Variants in HEATR5B observed in about 807,000 individuals in gnomAD.
The protein encoded by HEATR5B is HEAT repeat-containing protein 5B.
A neutral mutation model predicts 224.1 loss-of-function variants in HEATR5B; 156 were observed. The observed-to-expected ratio is 0.70, with a 90% CI of 0.61 to 0.80. The LOEUF is 0.80. HEATR5B is among the 30% of genes least tolerant of loss of function. The pLI, the probability that HEATR5B is intolerant of heterozygous loss-of-function variation, is 0.00. For synonymous variants in HEATR5B, 1,027 were observed against 893.0 expected, an observed-to-expected ratio of 1.15 and a Z score of -2.68; for missense variants, 2,323 against 2,535.5, an observed-to-expected ratio of 0.92 and a Z score of 1.80.
At chr2:37,074,008 A>C (rs1177581404) in intron 5 of HEATR5B, among the ~76,000 whole-genome samples, 1 of 152,206 alleles carries the variant, frequency 6.6e-6, no homozygotes, top group Non-Finnish European at 1.5e-5. Flanking sequence ...TTTAGTGAAG[A>C]AAAGATAGGC....
chr2:37,011,599 C>T (rs577924936), intron 27 of HEATR5B, among the ~76,000 whole-genome samples: 18 of 152,260 alleles, frequency 1.2e-4, no homozygotes, highest in African/African-American at 3.6e-4. Context: ...TTTAGTTTTA[C>T]TGATAAACAT....
intron 33 of HEATR5B, among the ~76,000 whole-genome samples, chr2:36,994,285 T>C (rs934193103): frequency 1.3e-5 from 2 of 152,202 alleles, no homozygotes; most frequent in African/African-American, 2.4e-5. Context: ...GTTTGAAATT[T>C]ATTTCAAAGT....
chr2:36,996,429 T>C (rs1327450992), intron 33 of HEATR5B, among the ~76,000 whole-genome samples: 1 of 142,504 alleles, frequency 7.0e-6, no homozygotes, highest in Non-Finnish European at 1.5e-5. Flanking sequence ...CTTTTCTTTC[T>C]TTTTTTTTTT....
intron 22 of HEATR5B, among the ~76,000 whole-genome samples, chr2:37,029,570 A>T (rs1668990132): frequency 6.6e-6 from 1 of 152,192 alleles, no homozygotes; most frequent in Non-Finnish European, 1.5e-5. Flanking sequence ...AGGCTGAGGC[A>T]GGAGAATCAC....
intron 22 of HEATR5B, among the ~76,000 whole-genome samples, chr2:37,029,204 G>C (rs2148463772): frequency 6.6e-6 from 1 of 152,254 alleles, no homozygotes; most frequent in African/African-American, 2.4e-5. Context: ...AAAAAGTGTG[G>C]GACAGAGATA....
chr2:37,027,955 A>G lies in HEATR5B; in HGVS notation c.3821T>C (p.Leu1274Ser). Residue 1274 changes from leucine to serine, a missense_variant, in exon 24 of 36, where the codon TTG (leucine) becomes TCG (serine). Leu to Ser is a moderately radical substitution (Grantham distance 145, BLOSUM62 -2). Coordinates refer to ENST00000233099, the MANE Select transcript of HEATR5B (RefSeq NM_019024.3). ...GTTTCGAAGTTTAGCAGAACGTGCCAAGGCAAGATCAAAGTGAGCCTGGTC... is the reference window on the plus strand; with the variant it reads ...GTTTCGAAGTTTAGCAGAACGTGCCGAGGCAAGATCAAAGTGAGCCTGGTC... ...NADQAHFDLALARSAKLRNPT... is the reference protein window; with the variant it reads ...NADQAHFDLASARSAKLRNPT... The G allele has an allele frequency of 6.2e-7, 1 of 1,614,218 alleles. No individual in the cohort carries two copies. The highest frequency in any genetic ancestry group is 8.5e-7 in the Non-Finnish European group (1 of 1,180,022).
At position 37,083,536 on chromosome 2, in the gene HEATR5B, T is replaced by C. The variant is rs567569243; in HGVS notation, c.-22-100A>G. The C allele has an allele frequency of 3.4e-5, 28 of 835,058 alleles. 1 individual carries two copies. The highest frequency in any genetic ancestry group is 1.4e-4 in the African/African-American group (8 of 57,866). 51.7% of individuals were successfully genotyped at this position (835,058 alleles called of 1,614,324 possible). On this transcript the variant is annotated intron_variant, in intron 1 of 35. Coordinates refer to ENST00000233099, the MANE Select transcript of HEATR5B (RefSeq NM_019024.3). ...ACTAAGAAAAGTAGGACTACTCATTTCATTTGGGGAAAAACTCAACTTCTT... is the reference window on the plus strand; with the variant it reads ...ACTAAGAAAAGTAGGACTACTCATTCCATTTGGGGAAAAACTCAACTTCTT...
intron 17 of HEATR5B, 79 bp downstream of exon 17, chr2:37,053,423 A>G (rs1355070280): frequency 1.9e-5 from 13 of 692,154 alleles, no homozygotes; most frequent in Admixed American, 3.0e-5. Flanking sequence ...TAAACATTAT[A>G]ATAATCTTGC....
In HEATR5B at chr2:37,065,843, A is replaced by G; in HGVS notation, c.1245T>C (p.His415=). 6.2e-7 allele frequency: 1 copy of G among 1,613,980 alleles called. No individual in the cohort carries two copies. Among genetic ancestry groups the G allele is most frequent in the Non-Finnish European group, 8.5e-7 (1 of 1,179,912 alleles). Residue 415 remains histidine (H), a synonymous_variant, in exon 9 of 36, where the codon CAT becomes CAC. Coordinates refer to ENST00000233099, the MANE Select transcript of HEATR5B (RefSeq NM_019024.3). Reference sequence around the variant, plus strand: ...GTTCCTGGAGGGCACAGACCATCACATGCTGGCTTGCTGCAATGTCTGCTG... The same window carrying G: ...GTTCCTGGAGGGCACAGACCATCACGTGCTGGCTTGCTGCAATGTCTGCTG... ...SGAADIAASQ[H]VMVCALQELG... is the part of the protein sequence containing the mutation.
At chr2:36,989,937 A>T (rs936942025) in intron 34 of HEATR5B, among the ~76,000 whole-genome samples, 2 of 117,078 alleles carry the variant, frequency 1.7e-5, no homozygotes, top group Non-Finnish European at 3.2e-5. Flanking sequence ...ACGGAGTCTC[A>T]CACTGTTGCC....
intron 8 of HEATR5B, 105 bp downstream of exon 8, chr2:37,068,573 AAAC>A: frequency 8.3e-7 from 1 of 1,207,172 alleles, no homozygotes; most frequent in East Asian, 2.4e-5. Flanking sequence ...ATCACTATGA[AAAC>A]ACACAGAAAG....
At chr2:37,045,699 T>C (rs1218617926) in intron 18 of HEATR5B, among the ~76,000 whole-genome samples, 1 of 152,228 alleles carries the variant, frequency 6.6e-6, no homozygotes, top group African/African-American at 2.4e-5. Flanking sequence ...CTCTCTGTTA[T>C]TCCACCCTAC....
In HEATR5B at chr2:37,037,958, T is replaced by C; in HGVS notation, c.3113A>G (p.His1038Arg). 6.2e-7 allele frequency: 1 copy of C among 1,600,410 alleles called. No individual in the cohort carries two copies. Among genetic ancestry groups the C allele is most frequent in the Non-Finnish European group, 8.5e-7 (1 of 1,171,340 alleles). The change falls in exon 21 of 36, where the codon CAT becomes CGT. Residue 1038 changes from histidine to arginine, a missense_variant. Transcript: ENST00000233099. ...AGCTGCCTGAACAAGAGAATCTGAATGGTCTTGTGTTATTGCACAACCCAC... is the reference window on the plus strand; with the variant it reads ...AGCTGCCTGAACAAGAGAATCTGAACGGTCTTGTGTTATTGCACAACCCAC... ...CLVGCAITQD[H>R]SDSLVQAAAI...
intron 4 of HEATR5B, chr2:37,075,981 AG>A (rs1430595295): frequency 6.4e-6 from 1 of 156,176 alleles, no homozygotes; most frequent in Non-Finnish European, 1.4e-5. Flanking sequence ...TAAGTAAAAA[AG>A]TTGAGAAATA....
At position 37,037,912 on chromosome 2, in the gene HEATR5B, C is replaced by T. The variant is rs1320682677; in HGVS notation, c.3159G>A (p.Gln1053=). ...VQAAAISCLQ[Q]LHMFAPRHVN... is the part of the protein sequence containing the mutation. ...CATGTCGTGGTGCAAACATGTGAAG[C>T]TGCTGAAGGCAAGATATGGCAGCTG... is the stretch of plus-strand genomic sequence containing the variant. The change falls in exon 21 of 36, where the codon CAG becomes CAA. Residue 1053 remains glutamine (Q), a synonymous_variant. Transcript: ENST00000233099. 2.5e-6 allele frequency: 4 copies of T among 1,600,520 alleles called. No homozygotes were observed. Among genetic ancestry groups the T allele is most frequent in the Non-Finnish European group, 3.4e-6 (4 of 1,171,540 alleles).
intron 34 of HEATR5B, 124 bp downstream of exon 34, chr2:36,990,524 A>C (rs978608764): frequency 1.9e-5 from 16 of 837,622 alleles, no homozygotes; most frequent in Non-Finnish European, 2.5e-5. Context: ...CAGTTTTTCC[A>C]TTTAAAAGCC....
intron 18 of HEATR5B, among the ~76,000 whole-genome samples, chr2:37,042,533 A>G (rs576474316): frequency 1.0e-4 from 16 of 152,382 alleles, no homozygotes; most frequent in African/African-American, 2.9e-4. Context: ...ATGCTTTACG[A>G]AAGTTTGTGA....
At chr2:37,014,702 G>T (rs973698094) in intron 26 of HEATR5B, among the ~76,000 whole-genome samples, 1 of 151,482 alleles carries the variant, frequency 6.6e-6, no homozygotes, top group Non-Finnish European at 1.5e-5. Context: ...AAAGAGGCTG[G>T]GCGCAGTGGC....
At chr2:37,029,356 T>C (rs185440902) in intron 22 of HEATR5B, among the ~76,000 whole-genome samples, 2 of 152,276 alleles carry the variant, frequency 1.3e-5, no homozygotes, top group Non-Finnish European at 2.9e-5. Flanking sequence ...ATCCTAAGAG[T>C]TCATTTAAAA....
Sources: allele counts gnomAD v4.1 joint callset (sites outside exome capture counted in the v4.1 genomes callset), GRCh38; gene constraint gnomAD v4.1.1; transcripts MANE v1.5; gene names NCBI Gene and HGNC (gene_info 2026-07-23, HGNC 2026-07-21).